Variants in RNGTT observed in about 807,000 individuals in gnomAD.
RNGTT encodes the protein mRNA-capping enzyme.
RNGTT carries 33 observed loss-of-function variants against 79.3 expected under a neutral mutation model. The ratio of observed to expected loss-of-function variants is 0.42; its 90% confidence interval spans 0.32 to 0.56. The LOEUF (loss-of-function observed/expected upper bound fraction) is 0.56, where lower values mean the gene tolerates loss of function less well. RNGTT is among the 20% of genes least tolerant of loss of function. The pLI, the probability that RNGTT is intolerant of heterozygous loss-of-function variation, is 0.17. For synonymous variants in RNGTT, 222 were observed against 235.9 expected (o/e 0.94, Z 0.54); for missense variants, 497 against 739.1 (o/e 0.67, Z 3.80).
chr6:88,962,986 C>G (rs746719708), intron 1 of RNGTT, among the ~76,000 whole-genome samples: 3 of 148,840 alleles, frequency 2.0e-5, no homozygotes, highest in Non-Finnish European at 4.4e-5. Context: ...TCCTCCATCT[C>G]AATACTGATA....
intron 13 of RNGTT, among the ~76,000 whole-genome samples, chr6:88,697,330 T>C (rs1361110239): frequency 6.6e-6 from 1 of 151,960 alleles, no homozygotes; most frequent in African/African-American, 2.4e-5. Flanking sequence ...GGTGGGTGGA[T>C]CACGAGGTCA....
intron 12 of RNGTT, among the ~76,000 whole-genome samples, chr6:88,775,136 A>G (rs1778833388): frequency 6.6e-6 from 1 of 152,188 alleles, no homozygotes; most frequent in African/African-American, 2.4e-5. Context: ...TAAAGTATAT[A>G]ACATTATAAC....
chr6:88,773,095 A>T (rs1428135831), intron 12 of RNGTT, among the ~76,000 whole-genome samples: 4 of 146,256 alleles, frequency 2.7e-5, no homozygotes, highest in African/African-American at 1.0e-4. Flanking sequence ...GATAGACTGG[A>T]TTAAGAAAAT....
intron 14 of RNGTT, among the ~76,000 whole-genome samples, chr6:88,677,425 T>C (rs1459803240): frequency 6.6e-6 from 1 of 152,138 alleles, no homozygotes; most frequent in Non-Finnish European, 1.5e-5. Flanking sequence ...TATCAAATTG[T>C]ACAGTTTATT....
intron 12 of RNGTT, among the ~76,000 whole-genome samples, chr6:88,775,204 C>T (rs2127846141): frequency 6.6e-6 from 1 of 152,164 alleles, no homozygotes; most frequent in Non-Finnish European, 1.5e-5. Context: ...TAACATTATC[C>T]ATCTCCTCAC....
At chr6:88,659,509 A>G (rs1191715243) in intron 14 of RNGTT, among the ~76,000 whole-genome samples, 1 of 152,194 alleles carries the variant, frequency 6.6e-6, no homozygotes, top group Non-Finnish European at 1.5e-5. Flanking sequence ...TACACTGGAA[A>G]GTTTCAACAA....
chr6:88,782,340 A>C (rs1042866729), intron 12 of RNGTT, among the ~76,000 whole-genome samples: 2 of 152,116 alleles, frequency 1.3e-5, no homozygotes, highest in African/African-American at 4.8e-5. Context: ...ATATATACTA[A>C]CTACCACATT....
At chr6:88,902,089 G>A (rs1317585053) in intron 6 of RNGTT, among the ~76,000 whole-genome samples, 1 of 152,092 alleles carries the variant, frequency 6.6e-6, no homozygotes, top group East Asian at 1.9e-4. Context: ...TCAGGAGGCT[G>A]CGATGAGAGG....
chr6:88,735,281 G>A (rs1777246416), intron 13 of RNGTT, among the ~76,000 whole-genome samples: 1 of 152,022 alleles, frequency 6.6e-6, no homozygotes, highest in African/African-American at 2.4e-5. Context: ...TAACAGGCAG[G>A]AAAGCAGTAA....
At chr6:88,650,318 TCA>T (rs1773749827) in intron 14 of RNGTT, among the ~76,000 whole-genome samples, 2 of 152,344 alleles carry the variant, frequency 1.3e-5, no homozygotes, top group African/African-American at 2.4e-5. Flanking sequence ...TTGATTATTC[TCA>T]CAGTCACTGC....
chr6:88,629,021 T>A (rs1442951683), intron 14 of RNGTT, among the ~76,000 whole-genome samples: 1 of 151,834 alleles, frequency 6.6e-6, no homozygotes, highest in African/African-American at 2.4e-5. Context: ...AGAAAAAAAA[T>A]CCCAAAACCA....
At position 88,904,696 on chromosome 6, in the gene RNGTT, T is replaced by A; in HGVS notation, c.684+19A>T. The stretch of plus-strand genomic sequence containing the variant: ...GAAAAAGGAAAAAAAAAACCTATTA[T>A]AATATTTTTAAACATTACCAGTTTT... On this transcript the variant is annotated intron_variant, in intron 6 of 15. Coordinates refer to ENST00000369485, the MANE Select transcript of RNGTT (RefSeq NM_003800.5). 6.3e-7 allele frequency: 1 copy of A among 1,577,726 alleles called. No homozygotes were observed. Among genetic ancestry groups the A allele is most frequent in the Non-Finnish European group, 8.6e-7 (1 of 1,167,240 alleles).
chr6:88,679,491 C>T (rs989675157), intron 13 of RNGTT, among the ~76,000 whole-genome samples: 5 of 151,994 alleles, frequency 3.3e-5, no homozygotes, highest in East Asian at 1.9e-4. Context: ...TTATTTTGCA[C>T]GCAATATGGA....
chr6:88,922,282 A>G (rs1411531778), intron 4 of RNGTT, among the ~76,000 whole-genome samples: 1 of 152,018 alleles, frequency 6.6e-6, no homozygotes, highest in Non-Finnish European at 1.5e-5. Flanking sequence ...AGAGTGTGAT[A>G]TTTCAATACA....
chr6:88,933,656 T>C (rs887597193), intron 2 of RNGTT, among the ~76,000 whole-genome samples: 10 of 152,160 alleles, frequency 6.6e-5, no homozygotes, highest in African/African-American at 2.4e-4. Flanking sequence ...CCCACAGGAG[T>C]GAAACTGTGG....
intron 2 of RNGTT, among the ~76,000 whole-genome samples, chr6:88,939,932 A>AT (rs1390192779): frequency 2.0e-5 from 3 of 147,010 alleles, no homozygotes; most frequent in African/African-American, 7.6e-5. Context: ...TTTTTTTTTA[A>AT]TTTTTTGTAG....
chr6:88,933,342 C>G (rs1784565852), intron 2 of RNGTT, among the ~76,000 whole-genome samples: 1 of 152,126 alleles, frequency 6.6e-6, no homozygotes, highest in East Asian at 1.9e-4. Flanking sequence ...ACCCTGCTAC[C>G]AAAAATAAGA....
At chr6:88,833,634 T>A (rs1330411917) in intron 11 of RNGTT, among the ~76,000 whole-genome samples, 1 of 152,248 alleles carries the variant, frequency 6.6e-6, no homozygotes, top group Non-Finnish European at 1.5e-5. Context: ...ATGTCAATCC[T>A]ATGGCTTTGT....
At chr6:88,907,541 A>T (rs1783695705) in intron 4 of RNGTT, among the ~76,000 whole-genome samples, 1 of 152,288 alleles carries the variant, frequency 6.6e-6, no homozygotes. Context: ...CACAACTGTG[A>T]GTCCATTAAA....
Sources: allele counts gnomAD v4.1 joint callset (sites outside exome capture counted in the v4.1 genomes callset), GRCh38; gene constraint gnomAD v4.1.1; transcripts MANE v1.5; gene names NCBI Gene and HGNC (gene_info 2026-07-23, HGNC 2026-07-21).